Variants in CPNE8 observed in about 807,000 individuals in gnomAD.
CPNE8 encodes the protein copine 8, also known as copine-8.
A neutral mutation model predicts 81.5 loss-of-function variants in CPNE8; 45 were observed. That is an observed-to-expected ratio of 0.55 (90% CI 0.44 to 0.71). The LOEUF (loss-of-function observed/expected upper bound fraction) is 0.71, where lower values mean the gene tolerates loss of function less well. Ranked by LOEUF, CPNE8 falls within the 30% of genes least tolerant of loss-of-function variation. The probability of loss-of-function intolerance (pLI) is 0.00; values close to 1 mark genes in which losing one functional copy is unlikely to be tolerated. For synonymous variants in CPNE8, 252 were observed against 226.3 expected (o/e 1.11, Z -1.02); for missense variants, 594 against 672.1 (o/e 0.88, Z 1.28).
At position 38,664,386 on chromosome 12, in the gene CPNE8, T is replaced by C. The variant is rs142543499; in HGVS notation, c.1506+6343A>G. 6.5e-3 allele frequency among the ~76,000 whole-genome samples: 995 copies of C among 152,264 alleles called. 4 individuals are homozygous for C. The highest frequency in any genetic ancestry group is 0.011 in the Non-Finnish European group (733 of 67,974). ...TTATATATGAAAGCCATCATTATCA[T>C]AATTACTATTTCTATTCATTAACTT... On this transcript the variant is annotated intron_variant, in intron 19 of 19. Transcript: ENST00000331366.
chr12:38,889,327 T>C (rs986674953), intron 1 of CPNE8, among the ~76,000 whole-genome samples: 84 of 152,166 alleles, frequency 5.5e-4, no homozygotes, highest in Non-Finnish European at 5.9e-5. Context: ...AAAGTCTTCA[T>C]AGTATGAGTG....
At chr12:38,867,445 C>T (rs1041681048) in intron 3 of CPNE8, among the ~76,000 whole-genome samples, 9 of 151,604 alleles carry the variant, frequency 5.9e-5, no homozygotes, top group Non-Finnish European at 1.2e-4. Flanking sequence ...AGCTCAGTGT[C>T]AATGGAATGG....
At chr12:38,797,673 C>T (rs1350878674) in intron 6 of CPNE8, among the ~76,000 whole-genome samples, 2 of 152,166 alleles carry the variant, frequency 1.3e-5, no homozygotes, top group African/African-American at 4.8e-5. Flanking sequence ...CAGTTCCTCA[C>T]CAGCAACAGA....
chr12:38,796,382 T>C (rs981312614), intron 6 of CPNE8, among the ~76,000 whole-genome samples: 3 of 152,134 alleles, frequency 2.0e-5, no homozygotes, highest in African/African-American at 7.2e-5. Flanking sequence ...GCAATAAAAA[T>C]TTCTTTAACA....
At chr12:38,821,561 C>T (rs1592119626) in intron 6 of CPNE8, among the ~76,000 whole-genome samples, 1 of 152,120 alleles carries the variant, frequency 6.6e-6, no homozygotes, top group Admixed American at 6.5e-5. Context: ...GTCAGAACAA[C>T]CAACCAATCA....
In CPNE8 at chr12:38,693,771, T is replaced by C. The variant is rs752404228; in HGVS notation, c.1029A>G (p.Ala343=). Residue 343 remains alanine (A), a synonymous_variant, in exon 15 of 20, where the codon GCA becomes GCG. Coordinates refer to ENST00000331366, the MANE Select transcript of CPNE8 (RefSeq NM_153634.3). ...NPYQLNAYGM[A]LKAVGEIVQD... is the part of the protein sequence containing the mutation. Reference sequence around the variant, plus strand: ...GAACAATTTCTCCCACTGCTTTTAGTGCCATACCATAGGCATTCAGTTGGT... The same window carrying C: ...GAACAATTTCTCCCACTGCTTTTAGCGCCATACCATAGGCATTCAGTTGGT... 3 of 1,613,460 alleles carry C rather than the reference T, an allele frequency of 1.9e-6. No individual in the cohort carries two copies. The Admixed American group carries it at 5.0e-5, about 27-fold the overall frequency.
intron 1 of CPNE8, among the ~76,000 whole-genome samples, chr12:38,905,220 G>C (rs1323902257): frequency 6.6e-6 from 1 of 152,154 alleles, no homozygotes; most frequent in East Asian, 1.9e-4. Context: ...TTCCCAGAAA[G>C]AAAATACAAA....
At chr12:38,767,978 C>T (rs1941725662) in intron 7 of CPNE8, among the ~76,000 whole-genome samples, 1 of 151,910 alleles carries the variant, frequency 6.6e-6, no homozygotes, top group African/African-American at 2.4e-5. Flanking sequence ...TAACATTTTT[C>T]CTTTGAAAAG....
At chr12:38,834,996 C>A (rs187661074) in intron 5 of CPNE8, among the ~76,000 whole-genome samples, 1 of 152,066 alleles carries the variant, frequency 6.6e-6, no homozygotes, top group Non-Finnish European at 1.5e-5. Context: ...AAGCGATTCT[C>A]CTGCCTCAGC....
In CPNE8 at chr12:38,786,583, G is replaced by A. The variant is rs188104269; in HGVS notation, c.408-10282C>T. On this transcript the variant is annotated intron_variant, in intron 6 of 19. Coordinates refer to ENST00000331366, the MANE Select transcript of CPNE8 (RefSeq NM_153634.3). ...TGGCCTATTATGGGACTTTGTGATC[G>A]TGTGAGTTATTAATATATATATATT... 3.5e-4 allele frequency among the ~76,000 whole-genome samples: 54 copies of A among 152,136 alleles called. 1 individual carries two copies. Among genetic ancestry groups the A allele is most frequent in the South Asian group, 1.5e-3 (7 of 4,818 alleles).
intron 19 of CPNE8, among the ~76,000 whole-genome samples, chr12:38,664,326 T>G (rs1315621000): frequency 6.6e-6 from 1 of 152,036 alleles, no homozygotes; most frequent in Admixed American, 6.6e-5. Flanking sequence ...AAACTTAAAG[T>G]GCTTAAACAG....
intron 1 of CPNE8, among the ~76,000 whole-genome samples, chr12:38,888,908 T>G (rs1944272863): frequency 6.6e-6 from 1 of 152,238 alleles, no homozygotes; most frequent in Non-Finnish European, 1.5e-5. Flanking sequence ...ATGGTTCCTG[T>G]TCATATGTGA....
At chr12:38,744,312 GTAACTATCTGCTA>G (rs1941176893) in intron 10 of CPNE8, among the ~76,000 whole-genome samples, 1 of 152,104 alleles carries the variant, frequency 6.6e-6, no homozygotes, top group African/African-American at 2.4e-5. Flanking sequence ...TGTCTGGATT[GTAACTATCTGCTA>G]AGTTTACATT....
chr12:38,882,275 G>A lies in CPNE8; in HGVS notation c.99-7764C>T, dbSNP rs75395494. ...ACAAGACAGTGACAGCACAGAGAGAGTTGTAGATTTTGGCCTTGAAGATTA... is the reference window on the plus strand; with the variant it reads ...ACAAGACAGTGACAGCACAGAGAGAATTGTAGATTTTGGCCTTGAAGATTA... On this transcript the variant is annotated intron_variant, in intron 1 of 19. Transcript: ENST00000331366. Among the ~76,000 whole-genome samples, 568 of 152,270 alleles carry A rather than the reference G, an allele frequency of 3.7e-3. 4 individuals carry two copies. Among genetic ancestry groups the A allele is most frequent in the African/African-American group, 0.013 (532 of 41,560 alleles).
chr12:38,819,536 G>A (rs1450313889), intron 6 of CPNE8, among the ~76,000 whole-genome samples: 1 of 152,044 alleles, frequency 6.6e-6, no homozygotes, highest in African/African-American at 2.4e-5. Context: ...GGGAGGCCGA[G>A]GCAGGCGGAT....
chr12:38,870,180 A>G (rs1426460638), intron 3 of CPNE8, among the ~76,000 whole-genome samples: 1 of 152,220 alleles, frequency 6.6e-6, no homozygotes, highest in Non-Finnish European at 1.5e-5. Flanking sequence ...ATGCTTTTAC[A>G]CTGTTGGTGG....
chr12:38,782,705 G>C (rs1199062992), intron 6 of CPNE8, among the ~76,000 whole-genome samples: 1 of 151,480 alleles, frequency 6.6e-6, no homozygotes, highest in Non-Finnish European at 1.5e-5. Context: ...TTTTGAGACA[G>C]GGTCTCACTT....
intron 6 of CPNE8, among the ~76,000 whole-genome samples, chr12:38,818,276 C>T (rs534077614): frequency 1.3e-5 from 2 of 152,182 alleles, no homozygotes; most frequent in South Asian, 4.2e-4. Context: ...CTAATGCTCT[C>T]CCTCCCCTGG....
chr12:38,686,618 A>G (rs1017882565), intron 15 of CPNE8, among the ~76,000 whole-genome samples: 1 of 152,202 alleles, frequency 6.6e-6, no homozygotes, highest in Non-Finnish European at 1.5e-5. Context: ...AGGAATCCAG[A>G]AGCAGCTCAG....
Sources: allele counts gnomAD v4.1 joint callset (sites outside exome capture counted in the v4.1 genomes callset), GRCh38; gene constraint gnomAD v4.1.1; transcripts MANE v1.5; gene names NCBI Gene and HGNC (gene_info 2026-07-23, HGNC 2026-07-21).